The following SLC41A3 variants were observed in gnomAD, a reference collection of about 807,000 sequenced individuals.
SLC41A3 encodes the protein SLC41A1-like 2.
In SLC41A3, 44 loss-of-function variants were observed where a neutral mutation model predicts 45.4. That is an observed-to-expected ratio of 0.97 (90% CI 0.76 to 1.25). SLC41A3 has a LOEUF of 1.25. Ranked by LOEUF, SLC41A3 falls within the 50% of genes most tolerant of loss-of-function variation. The pLI, the probability that SLC41A3 is intolerant of heterozygous loss-of-function variation, is 0.00. For synonymous variants in SLC41A3, 256 were observed against 252.4 expected (o/e 1.01, Z -0.13); for missense variants, 550 against 600.6 (o/e 0.92, Z 0.88).
At chr3:126,091,313 C>T (rs1945484393) in intron 1 of SLC41A3, among the ~76,000 whole-genome samples, 1 of 152,128 alleles carries the variant, frequency 6.6e-6, no homozygotes, top group African/African-American at 2.4e-5. Flanking sequence ...GAACGTGTGC[C>T]TTAGGTGGTC....
At chr3:126,040,856 T>C (rs1478996589) in intron 3 of SLC41A3, among the ~76,000 whole-genome samples, 2 of 152,150 alleles carry the variant, frequency 1.3e-5, no homozygotes, top group Non-Finnish European at 2.9e-5. Flanking sequence ...CAAGCACCTC[T>C]TCACTAAAGG....
intron 1 of SLC41A3, among the ~76,000 whole-genome samples, chr3:126,080,485 C>T (rs1309049038): frequency 7.2e-5 from 11 of 152,110 alleles, no homozygotes; most frequent in Non-Finnish European, 1.3e-4. Context: ...GAGAGAAATG[C>T]AAGTCAAAGC....
intron 2 of SLC41A3, chr3:126,056,402 C>T (rs757052977): frequency 1.5e-5 from 25 of 1,614,020 alleles, no homozygotes; most frequent in South Asian, 4.4e-5. Flanking sequence ...ATGCACAAGC[C>T]GGACAGCAGA....
intron 3 of SLC41A3, among the ~76,000 whole-genome samples, chr3:126,036,991 A>G (rs140772067): frequency 6.6e-6 from 1 of 152,226 alleles, no homozygotes; most frequent in East Asian, 1.9e-4. Context: ...AGTCACGCAT[A>G]TGGTTTGGAT....
chr3:126,032,435 T>C (rs560181959), intron 4 of SLC41A3, among the ~76,000 whole-genome samples: 1 of 152,298 alleles, frequency 6.6e-6, no homozygotes, highest in South Asian at 2.1e-4. Context: ...GTGTGGTTAC[T>C]GGGAAGGACC....
chr3:126,054,844 G>A (rs901988303), intron 2 of SLC41A3, among the ~76,000 whole-genome samples: 1 of 152,034 alleles, frequency 6.6e-6, no homozygotes, highest in Non-Finnish European at 1.5e-5. Context: ...GGGAAGGAGC[G>A]ACAAGCTCTC....
chr3:126,101,100 C>G (rs920079723), intron 1 of SLC41A3, among the ~76,000 whole-genome samples: 1 of 152,242 alleles, frequency 6.6e-6, no homozygotes, highest in African/African-American at 2.4e-5. Context: ...CTCCTTCCCC[C>G]GGGTCCAAGT....
intron 2 of SLC41A3, among the ~76,000 whole-genome samples, chr3:126,060,346 G>A (rs1400494902): frequency 6.6e-6 from 1 of 152,164 alleles, no homozygotes; most frequent in Non-Finnish European, 1.5e-5. Context: ...TTGAACCTGG[G>A]AGGCGGAGGT....
intron 9 of SLC41A3, 145 bp from the exon 10 acceptor site, chr3:126,009,025 G>A (rs1939427495): frequency 8.5e-6 from 8 of 937,396 alleles, no homozygotes; most frequent in Non-Finnish European, 1.3e-5. Flanking sequence ...AGCATATTCT[G>A]GCAGATGGGG....
At chr3:126,066,798 G>A (rs936430755) in intron 2 of SLC41A3, among the ~76,000 whole-genome samples, 2 of 152,128 alleles carry the variant, frequency 1.3e-5, no homozygotes, top group Non-Finnish European at 2.9e-5. Flanking sequence ...GGGAATGTGG[G>A]GGAGTTTATC....
chr3:126,098,471 T>C (rs374214482), intron 1 of SLC41A3, among the ~76,000 whole-genome samples: 3 of 152,244 alleles, frequency 2.0e-5, no homozygotes, highest in South Asian at 2.1e-4. Flanking sequence ...TGAGCTGCTA[T>C]AACAGTATGG....
At chr3:126,055,800 G>T (rs929674941) in intron 2 of SLC41A3, among the ~76,000 whole-genome samples, 1 of 152,132 alleles carries the variant, frequency 6.6e-6, no homozygotes, top group African/African-American at 2.4e-5. Flanking sequence ...TCCACTGCAG[G>T]GAGACCGCCA....
chr3:126,088,587 G>C (rs540170955), upstream of SLC41A3, among the ~76,000 whole-genome samples: 13 of 152,142 alleles, frequency 8.5e-5, no homozygotes, highest in South Asian at 2.7e-3. Context: ...AGTTGCTTTA[G>C]AATGAAGAAA....
intron 1 of SLC41A3, among the ~76,000 whole-genome samples, chr3:126,070,951 A>T (rs1364081947): frequency 6.6e-6 from 1 of 152,224 alleles, no homozygotes; most frequent in Non-Finnish European, 1.5e-5. Context: ...AAACACGATT[A>T]TTATAAACCA....
intron 2 of SLC41A3, chr3:126,057,274 G>T: frequency 1.8e-6 from 1 of 547,530 alleles, no homozygotes; most frequent in Non-Finnish European, 2.3e-6. Context: ...TCCCTCCATG[G>T]CCTGGAAGAC....
At chr3:126,011,118 G>GA (rs1458003538) in intron 9 of SLC41A3, among the ~76,000 whole-genome samples, 1 of 152,154 alleles carries the variant, frequency 6.6e-6, no homozygotes, top group East Asian at 1.9e-4. Flanking sequence ...AGCATCACCT[G>GA]AAAGCCGTTC....
Position 126,026,585 on chromosome 3 carries a change from T to TA in SLC41A3, c.454-107_454-106insT. The TA allele has an allele frequency of 7.1e-7, 1 of 1,403,454 alleles. No individual in the cohort carries two copies. The allele number at this position is 1,403,454 out of a possible 1,614,324, so 86.9% of individuals were successfully genotyped here. Reference sequence around the variant, plus strand: ...CAAGGGGCCGGGTGCCACATGCTACTGCCTCCTTTCCCTTACCCTAAAATC... The same window carrying TA: ...CAAGGGGCCGGGTGCCACATGCTACTAGCCTCCTTTCCCTTACCCTAAAATC... On this transcript the variant is annotated intron_variant, in intron 4 of 10. Transcript: ENST00000360370. The surrounding 1 kb of genome is among the most constrained non-coding windows in gnomAD (Gnocchi z 4.2).
intron 1 of SLC41A3, chr3:126,078,948 G>C (rs1199841988): frequency 6.6e-6 from 1 of 152,160 alleles, no homozygotes; most frequent in Non-Finnish European, 1.5e-5. Flanking sequence ...ACTATACAAA[G>C]AATCATGCCC....
At chr3:126,052,332 C>A (rs1050315933) in intron 2 of SLC41A3, among the ~76,000 whole-genome samples, 1 of 152,146 alleles carries the variant, frequency 6.6e-6, no homozygotes, top group Non-Finnish European at 1.5e-5. Flanking sequence ...ATCAAGTACT[C>A]CCCAGCTGGC....
Sources: allele counts gnomAD v4.1 joint callset (sites outside exome capture counted in the v4.1 genomes callset), GRCh38; gene constraint gnomAD v4.1.1; non-coding constraint Gnocchi (gnomAD v3.1); transcripts MANE v1.5; gene names NCBI Gene and HGNC (gene_info 2026-07-23, HGNC 2026-07-21).